Variants in DLC1 observed in about 807,000 individuals in gnomAD.
DLC1 encodes DLC1 Rho GTPase activating protein, also known as rho GTPase-activating protein 7.
Under a neutral mutation model 140.3 loss-of-function variants are expected in DLC1, and 54 were observed. That is an observed-to-expected ratio of 0.38 (90% confidence interval 0.31 to 0.48). The LOEUF is 0.48. Ranked by LOEUF, DLC1 falls within the 20% of genes least tolerant of loss-of-function variation. The pLI is 0.96. For missense variants in DLC1, 2,536 were observed against 1,907.0 expected (o/e 1.33, Z -6.14); for synonymous variants, 986 against 728.1 (o/e 1.35, Z -5.70).
At chr8:13,416,487 T>C (rs928341376) in intron 2 of DLC1, among the ~76,000 whole-genome samples, 1 of 152,194 alleles carries the variant, frequency 6.6e-6, no homozygotes, top group Non-Finnish European at 1.5e-5. Context: ...ATGGCCACTT[T>C]GGATGATTCA....
chr8:13,542,474 T>A (rs1803517789), intron 1 of DLC1, among the ~76,000 whole-genome samples: 1 of 152,206 alleles, frequency 6.6e-6, no homozygotes, highest in Non-Finnish European at 1.5e-5. Flanking sequence ...CTGATTTTTT[T>A]TTTCCAAAAA....
At chr8:13,116,618 A>C (rs1820577047) in intron 5 of DLC1, among the ~76,000 whole-genome samples, 1 of 152,220 alleles carries the variant, frequency 6.6e-6, no homozygotes. Flanking sequence ...CTAATAGTTC[A>C]TATCAGAAGT....
At chr8:13,286,324 G>C (rs952148940) in intron 5 of DLC1, among the ~76,000 whole-genome samples, 1 of 152,066 alleles carries the variant, frequency 6.6e-6, no homozygotes, top group Non-Finnish European at 1.5e-5. Flanking sequence ...ATGATCACTG[G>C]CTTGGAGAAT....
chr8:13,368,975 C>T (rs1835612809), intron 4 of DLC1, among the ~76,000 whole-genome samples: 1 of 152,104 alleles, frequency 6.6e-6, no homozygotes, highest in African/African-American at 2.4e-5. Flanking sequence ...AGGTGCTCAC[C>T]ACCATGCCTG....
intron 5 of DLC1, among the ~76,000 whole-genome samples, chr8:13,273,686 C>CTGTGTG (rs59265902): frequency 0.09 from 5,647 of 62,450 alleles, 379 homozygotes; most frequent in South Asian, 0.13. Context: ...AGAACTGTGC[C>CTGTGTG]TGTGTGTGTG....
intron 5 of DLC1, among the ~76,000 whole-genome samples, chr8:13,256,969 T>G (rs1027711548): frequency 2.6e-5 from 4 of 152,040 alleles, no homozygotes; most frequent in Non-Finnish European, 5.9e-5. Context: ...TACATACTAT[T>G]AGTGTGCTGA....
chr8:13,197,390 C>T (rs1459793752), intron 5 of DLC1, among the ~76,000 whole-genome samples: 1 of 151,598 alleles, frequency 6.6e-6, no homozygotes, highest in Non-Finnish European at 1.5e-5. Flanking sequence ...GCTCTGTCGC[C>T]CAGGCTGGAG....
intron 5 of DLC1, among the ~76,000 whole-genome samples, chr8:13,211,629 A>G (rs1337930223): frequency 1.3e-5 from 2 of 152,330 alleles, no homozygotes; most frequent in African/African-American, 4.8e-5. Context: ...GCAAGCCACT[A>G]TATCAGTTGT....
intron 5 of DLC1, among the ~76,000 whole-genome samples, chr8:13,296,218 A>G (rs1218855590): frequency 6.6e-6 from 1 of 152,016 alleles, no homozygotes; most frequent in Non-Finnish European, 1.5e-5. Flanking sequence ...GGCCTCCCAA[A>G]GTGCTGTAAT....
At chr8:13,433,233 A>G (rs1306718263) in intron 2 of DLC1, among the ~76,000 whole-genome samples, 1 of 152,000 alleles carries the variant, frequency 6.6e-6, no homozygotes, top group Non-Finnish European at 1.5e-5. Context: ...GAGTTTTTTG[A>G]CCCATGACTC....
intron 5 of DLC1, among the ~76,000 whole-genome samples, chr8:13,271,824 C>T (rs1235556796): frequency 6.6e-6 from 1 of 152,148 alleles, no homozygotes; most frequent in African/African-American, 2.4e-5. Context: ...TACAGATGGT[C>T]ACCACCACGC....
intron 4 of DLC1, among the ~76,000 whole-genome samples, chr8:13,352,209 T>C (rs1246269813): frequency 6.6e-6 from 1 of 152,210 alleles, no homozygotes; most frequent in East Asian, 1.9e-4. Flanking sequence ...ATGCGCTTGT[T>C]CCGAACACAC....
At chr8:13,196,344 T>C (rs1827054891) in intron 5 of DLC1, among the ~76,000 whole-genome samples, 1 of 152,212 alleles carries the variant, frequency 6.6e-6, no homozygotes, top group South Asian at 2.1e-4. Context: ...TATTTTTCTC[T>C]ATTCAAAGGG....
chr8:13,341,071 G>A (rs1480692521), intron 4 of DLC1: 1 of 152,206 alleles, frequency 6.6e-6, no homozygotes, highest in Admixed American at 6.5e-5. Context: ...GGATTTGAAG[G>A]AAGGATTTAA....
intron 1 of DLC1, among the ~76,000 whole-genome samples, chr8:13,520,592 G>A (rs1339440132): frequency 6.6e-6 from 1 of 152,006 alleles, no homozygotes; most frequent in Non-Finnish European, 1.5e-5. Flanking sequence ...TGCATGTTCT[G>A]CAAATGTAAC....
chr8:13,336,806 A>G (rs1833828606), intron 4 of DLC1, among the ~76,000 whole-genome samples: 1 of 152,218 alleles, frequency 6.6e-6, no homozygotes, highest in Non-Finnish European at 1.5e-5. Flanking sequence ...AATGTATGCC[A>G]CCCAAATATA....
intron 1 of DLC1, among the ~76,000 whole-genome samples, chr8:13,542,830 G>C (rs1803529972): frequency 6.6e-6 from 1 of 151,972 alleles, no homozygotes; most frequent in Non-Finnish European, 1.5e-5. Flanking sequence ...TTTGAGACAT[G>C]GTTAAATCAG....
chr8:13,144,178 A>G (rs1165577902), intron 5 of DLC1, among the ~76,000 whole-genome samples: 1 of 152,228 alleles, frequency 6.6e-6, no homozygotes, highest in East Asian at 1.9e-4. Context: ...GCACCCAGAT[A>G]GAACACAAGA....
intron 5 of DLC1, among the ~76,000 whole-genome samples, chr8:13,195,142 A>G (rs79960575): frequency 0.048 from 7,380 of 152,296 alleles, 203 homozygotes; most frequent in Non-Finnish European, 0.066. Flanking sequence ...GGCCCAAACC[A>G]ATACTATATG....
Sources: gnomAD v4.1 joint callset for allele counts (sites outside exome capture counted in the v4.1 genomes callset) on GRCh38, gnomAD v4.1.1 for gene constraint, MANE v1.5 for transcripts, NCBI Gene and HGNC (gene_info 2026-07-23, HGNC 2026-07-21) for gene names.